Variants in ZC3H12B observed in about 807,000 individuals in gnomAD.
ZC3H12B encodes the protein probable ribonuclease ZC3H12B.
Under a neutral mutation model 43.9 loss-of-function variants are expected in ZC3H12B, and 7 were observed. The observed-to-expected ratio is 0.16, with a 90% CI of 0.09 to 0.30. The LOEUF is 0.30. Among genes scored for constraint, ZC3H12B ranks in the 10% least tolerant of loss-of-function variants. ZC3H12B has a pLI of 1.00. For synonymous variants in ZC3H12B, 222 were observed against 241.7 expected (o/e 0.92, Z 0.76); for missense variants, 475 against 670.2 (o/e 0.71, Z 3.22).
the ZC3H12B span, among the ~76,000 whole-genome samples, chrX:65,359,323 T>C: frequency 1.8e-5 from 2 of 111,997 alleles, no homozygotes; most frequent in Non-Finnish European, 3.8e-5. Context: ...TCAAGTCCTA[T>C]TATTTAAGAA....
At chrX:65,175,542 C>T in the ZC3H12B span, among the ~76,000 whole-genome samples, 1 of 112,063 alleles carries the variant, frequency 8.9e-6, no homozygotes, top group African/African-American at 3.2e-5. Flanking sequence ...CATACCTGAA[C>T]TCATGTGATG....
At chrX:65,452,253 C>G (rs1002715376) in intron 3 of ZC3H12B, among the ~76,000 whole-genome samples, 2 of 111,299 alleles carry the variant, frequency 1.8e-5, no homozygotes, top group African/African-American at 6.5e-5. Flanking sequence ...TCACTGTTTG[C>G]TGATGACATG....
rs1569379683 is a variant in ZC3H12B, at chrX:65,373,935, ATATATATATAGT to A, written n.295+4948_295+4959del. On this transcript the variant is annotated intron_variant and non_coding_transcript_variant, in intron 2 of 5. Coordinates refer to the ZC3H12B transcript ENST00000617377. ...TATATATATATACTATATATATAGT[ATATATATATAGT>A]TATATATATATACTGTATATATAGT... Among the ~76,000 whole-genome samples the A allele has an allele frequency of 1.9e-4, 8 of 41,374 alleles. No individual in the cohort carries two copies. In the African/African-American group the frequency reaches 2.1e-3, roughly 11 times the overall value. The allele number at this position is 41,374 out of a possible 115,157, so 35.9% of individuals were successfully genotyped here.
the ZC3H12B span, among the ~76,000 whole-genome samples, chrX:65,194,506 T>C: frequency 3.6e-5 from 4 of 111,895 alleles, no homozygotes; most frequent in African/African-American, 1.3e-4. Context: ...AGTAATTGAT[T>C]TCTAGTTTTA....
chrX:65,466,921 T>C (rs1271311686), intron 3 of ZC3H12B, among the ~76,000 whole-genome samples: 1 of 23,803 alleles, frequency 4.2e-5, no homozygotes, highest in African/African-American at 4.6e-4. Context: ...ACCAAATATA[T>C]ATATATATAT....
intron 4 of ZC3H12B, among the ~76,000 whole-genome samples, chrX:65,500,725 G>A (rs1206835354): frequency 9.1e-6 from 1 of 109,783 alleles, no homozygotes; most frequent in Non-Finnish European, 1.9e-5. Context: ...CACCGTGCCC[G>A]GCCCCTTTCC....
chrX:65,068,184 T>G, the ZC3H12B span, among the ~76,000 whole-genome samples: 1 of 108,652 alleles, frequency 9.2e-6, no homozygotes, highest in African/African-American at 3.4e-5. Context: ...TCTTTTTTAT[T>G]CATTCAGCTA....
chrX:65,276,490 CA>C, the ZC3H12B span, among the ~76,000 whole-genome samples: 1 of 111,262 alleles, frequency 9.0e-6, no homozygotes, highest in Non-Finnish European at 1.9e-5. Flanking sequence ...ATTAGACTAA[CA>C]GTGGATTTCT....
chrX:65,211,692 A>G, the ZC3H12B span, among the ~76,000 whole-genome samples: 2 of 89,945 alleles, frequency 2.2e-5, no homozygotes, highest in African/African-American at 4.1e-5. Context: ...TATATATAAT[A>G]TTATATAATA....
chrX:65,224,672 G>C, the ZC3H12B span, among the ~76,000 whole-genome samples: 3 of 112,073 alleles, frequency 2.7e-5, no homozygotes, highest in Non-Finnish European at 5.6e-5. Flanking sequence ...CTCCCACCCT[G>C]ATACTGCACT....
chrX:65,487,721 C>G, upstream of ZC3H12B, among the ~76,000 whole-genome samples: 1 of 112,102 alleles, frequency 8.9e-6, no homozygotes, highest in Non-Finnish European at 1.9e-5. Flanking sequence ...GCACACACAC[C>G]CTTTCTTATC....
chrX:65,181,927 G>A, the ZC3H12B span, among the ~76,000 whole-genome samples: 91 of 111,208 alleles, frequency 8.2e-4, no homozygotes, highest in African/African-American at 2.8e-3. Flanking sequence ...ATTATAAATC[G>A]TTCTACTATA....
At chrX:65,091,488 AT>A in the ZC3H12B span, among the ~76,000 whole-genome samples, 2 of 112,111 alleles carry the variant, frequency 1.8e-5, no homozygotes, top group Middle Eastern at 4.2e-3. Flanking sequence ...ATTATGCTTC[AT>A]TTTGTTATTT....
chrX:65,342,310 T>C, the ZC3H12B span, among the ~76,000 whole-genome samples: 1 of 111,698 alleles, frequency 9.0e-6, no homozygotes, highest in Non-Finnish European at 1.9e-5. Flanking sequence ...ATGGGGCTGA[T>C]AGACATCTAC....
the ZC3H12B span, among the ~76,000 whole-genome samples, chrX:65,109,632 G>A: frequency 9.0e-6 from 1 of 111,643 alleles, no homozygotes; most frequent in Admixed American, 9.5e-5. Flanking sequence ...TCTTTTGGTT[G>A]TTATGAATAA....
chrX:65,158,770 A>T, the ZC3H12B span, among the ~76,000 whole-genome samples: 2 of 111,599 alleles, frequency 1.8e-5, no homozygotes, highest in East Asian at 2.8e-4. Context: ...GAAGCTCTTT[A>T]GTTTAATTAG....
chrX:65,341,165 G>C, the ZC3H12B span, among the ~76,000 whole-genome samples: 1 of 111,908 alleles, frequency 8.9e-6, no homozygotes, highest in African/African-American at 3.2e-5. Context: ...AGAGAAAAAA[G>C]AATGAAAAGG....
the ZC3H12B span, among the ~76,000 whole-genome samples, chrX:65,155,622 G>A: frequency 1.8e-5 from 2 of 111,497 alleles, no homozygotes; most frequent in Non-Finnish European, 3.8e-5. Flanking sequence ...GGAGGCCCAA[G>A]GCAGGAGGAT....
the ZC3H12B span, among the ~76,000 whole-genome samples, chrX:65,174,498 C>G: frequency 8.9e-6 from 1 of 111,755 alleles, no homozygotes; most frequent in Non-Finnish European, 1.9e-5. Context: ...TCCCCAGGTG[C>G]TCTGTCCCAG....
Sources: allele counts gnomAD v4.1 joint callset (sites outside exome capture counted in the v4.1 genomes callset), GRCh38; gene constraint gnomAD v4.1.1; transcripts MANE v1.5; gene names NCBI Gene and HGNC (gene_info 2026-07-23, HGNC 2026-07-21).